CCBE1: variants seen among roughly 807,000 people sequenced by gnomAD.
CCBE1 encodes collagen and calcium-binding EGF domain-containing protein 1.
In CCBE1, 37 loss-of-function variants were observed where a neutral mutation model predicts 50.0. The ratio of observed to expected loss-of-function variants is 0.74; its 90% CI spans 0.57 to 0.97. The LOEUF (loss-of-function observed/expected upper bound fraction) is 0.97. Among genes scored for constraint, CCBE1 ranks in the 50% least tolerant of loss-of-function variants. The pLI is 0.00. For missense variants in CCBE1, 538 were observed against 523.8 expected, an observed-to-expected ratio of 1.03 and a Z score of -0.26; for synonymous variants, 234 against 203.7, an observed-to-expected ratio of 1.15 and a Z score of -1.27.
chr18:59,455,724 C>T (rs1911160667), intron 5 of CCBE1, among the ~76,000 whole-genome samples: 1 of 152,236 alleles, frequency 6.6e-6, no homozygotes, highest in Non-Finnish European at 1.5e-5. Context: ...ACCTGGGTCA[C>T]CTTGCTGCTG....
At chr18:59,535,883 A>C (rs2144366001) in intron 2 of CCBE1, among the ~76,000 whole-genome samples, 1 of 152,286 alleles carries the variant, frequency 6.6e-6, no homozygotes, top group East Asian at 1.9e-4. Context: ...CCTAAGGAAA[A>C]GTCTATGTTG....
chr18:59,473,928 T>A (rs562986325), intron 3 of CCBE1, among the ~76,000 whole-genome samples: 1 of 147,764 alleles, frequency 6.8e-6, no homozygotes, highest in East Asian at 2.1e-4. Flanking sequence ...CTTGTTCCTA[T>A]GTTTATGTCC....
At chr18:59,667,795 G>C (rs1458796735) in intron 2 of CCBE1, among the ~76,000 whole-genome samples, 1 of 152,172 alleles carries the variant, frequency 6.6e-6, no homozygotes, top group Non-Finnish European at 1.5e-5. Flanking sequence ...AGTGGGTGTA[G>C]AGTGGCAGAG....
intron 2 of CCBE1, among the ~76,000 whole-genome samples, chr18:59,542,121 C>T (rs1426391947): frequency 6.7e-6 from 1 of 148,358 alleles, no homozygotes; most frequent in East Asian, 2.0e-4. Flanking sequence ...CTGCAGTGAG[C>T]TGTGAGTGTG....
In CCBE1 at chr18:59,590,960, G is replaced by A. The variant is rs2053256643; in HGVS notation, c.212+105669C>T. Among the ~76,000 whole-genome samples, 3 of 96,584 alleles carry A rather than the reference G, an allele frequency of 3.1e-5. 1 individual carries two copies. The highest frequency in any genetic ancestry group is 5.7e-5 in the Non-Finnish European group (3 of 52,644). 63.4% of individuals were successfully genotyped at this position (96,584 alleles called of 152,430 possible). On this transcript the variant is annotated intron_variant, in intron 2 of 10. Transcript: ENST00000439986. Reference sequence around the variant, plus strand: ...TAACCTGGGCATAAAAAGCTGCTAAGTAGGCCGGGCGCGGTGGCTCACGCT... The same window carrying A: ...TAACCTGGGCATAAAAAGCTGCTAAATAGGCCGGGCGCGGTGGCTCACGCT...
At chr18:59,441,031 A>T (rs1910397683) in intron 7 of CCBE1, among the ~76,000 whole-genome samples, 2 of 152,244 alleles carry the variant, frequency 1.3e-5, no homozygotes, top group South Asian at 4.1e-4. Context: ...TGTGGAACAC[A>T]AAGTAAATAT....
intron 2 of CCBE1, among the ~76,000 whole-genome samples, chr18:59,523,752 A>G (rs1914702786): frequency 6.6e-6 from 1 of 152,164 alleles, no homozygotes; most frequent in Admixed American, 6.5e-5. Context: ...GAAGTGAAGC[A>G]TTCTATGGTT....
At chr18:59,696,559 T>C (rs2054806127) in intron 2 of CCBE1, 70 bp downstream of exon 2, 6 of 1,605,144 alleles carry the variant, frequency 3.7e-6, no homozygotes, top group Non-Finnish European at 5.1e-6. Flanking sequence ...AAACCCCTCC[T>C]TTACAGCGCC....
rs1290769405 is a variant in CCBE1 at position 59,432,500 on chromosome 18, T to C, written c.*3408A>G. On this transcript the variant is annotated 3_prime_UTR_variant, in exon 11 of 11. Coordinates refer to ENST00000439986, the MANE Select transcript of CCBE1 (RefSeq NM_133459.4). ...TTGAGCAGAAGTCCTGTTTAGACAG[T>C]AAAGCTTTTTCTATCTAGTTAAAAG... The C allele has an allele frequency of 6.6e-6, 1 of 152,204 alleles. No homozygotes were observed. Among genetic ancestry groups the C allele is most frequent in the African/African-American group, 2.4e-5 (1 of 41,454 alleles). The allele number at this position is 152,204 out of a possible 1,614,324, so 9.4% of individuals were successfully genotyped here.
chr18:59,491,886 C>T (rs72962150), intron 2 of CCBE1, among the ~76,000 whole-genome samples: 13,805 of 151,454 alleles, frequency 0.091, 724 homozygotes, highest in Middle Eastern at 0.14. Flanking sequence ...AAAAGAAAAG[C>T]ATTCTGGAGG....
intron 2 of CCBE1, among the ~76,000 whole-genome samples, chr18:59,634,398 GCAA>G (rs2053890664): frequency 6.6e-6 from 1 of 152,214 alleles, no homozygotes; most frequent in South Asian, 2.1e-4. Context: ...GATCCCTAAA[GCAA>G]CAACATTAAC....
chr18:59,536,650 C>T (rs1049195120), intron 2 of CCBE1, among the ~76,000 whole-genome samples: 8 of 152,058 alleles, frequency 5.3e-5, no homozygotes, highest in South Asian at 2.1e-4. Flanking sequence ...GAAAACAACA[C>T]GTATTCAACA....
chr18:59,458,792 T>C (rs765154875), intron 5 of CCBE1, among the ~76,000 whole-genome samples: 1 of 152,206 alleles, frequency 6.6e-6, no homozygotes, highest in African/African-American at 2.4e-5. Flanking sequence ...GAGTGACCTG[T>C]TACATGCAAA....
intron 4 of CCBE1, among the ~76,000 whole-genome samples, chr18:59,467,892 G>A (rs1911828387): frequency 6.6e-6 from 1 of 152,148 alleles, no homozygotes; most frequent in South Asian, 2.1e-4. Context: ...TACCAACTAT[G>A]TCACCTGTAG....
intron 2 of CCBE1, among the ~76,000 whole-genome samples, chr18:59,570,462 G>C (rs1228897038): frequency 6.6e-6 from 1 of 152,208 alleles, no homozygotes; most frequent in Admixed American, 6.5e-5. Context: ...TGTCTAAGGA[G>C]TGCCTGTCTC....
At chr18:59,465,953 TG>T (rs1303486944) in intron 5 of CCBE1, among the ~76,000 whole-genome samples, 1 of 152,138 alleles carries the variant, frequency 6.6e-6, no homozygotes, top group African/African-American at 2.4e-5. Flanking sequence ...CTTGAGCTAA[TG>T]GGCATCACTC....
At chr18:59,636,477 C>T (rs938907632) in intron 2 of CCBE1, among the ~76,000 whole-genome samples, 5 of 152,170 alleles carry the variant, frequency 3.3e-5, no homozygotes, top group Non-Finnish European at 7.3e-5. Context: ...CAACTTTTAT[C>T]CAAGGCCTTA....
chr18:59,524,605 C>G (rs1336448495), intron 2 of CCBE1, among the ~76,000 whole-genome samples: 1 of 152,078 alleles, frequency 6.6e-6, no homozygotes, highest in Non-Finnish European at 1.5e-5. Context: ...TTTTTCATTA[C>G]CTTTTTTAAA....
At chr18:59,540,991 A>G (rs922261097) in intron 2 of CCBE1, among the ~76,000 whole-genome samples, 22 of 152,218 alleles carry the variant, frequency 1.4e-4, no homozygotes, top group African/African-American at 5.3e-4. Context: ...AGGCAGGAAG[A>G]ATCACATAAG....
Sources: gnomAD v4.1 joint callset for allele counts (sites outside exome capture counted in the v4.1 genomes callset) on GRCh38, gnomAD v4.1.1 for gene constraint, MANE v1.5 for transcripts, NCBI Gene and HGNC (gene_info 2026-07-23, HGNC 2026-07-21) for gene names.